TLK1: variants seen among roughly 807,000 people sequenced by gnomAD.
TLK1 encodes tousled like kinase 1, also known as serine/threonine-protein kinase tousled-like 1.
Under a neutral mutation model 105.3 loss-of-function variants are expected in TLK1, and 24 were observed. That is an observed-to-expected ratio of 0.23 (90% CI 0.17 to 0.32). The LOEUF (loss-of-function observed/expected upper bound fraction) is 0.32, where lower values mean the gene tolerates loss of function less well. Among genes scored for constraint, TLK1 ranks in the 10% least tolerant of loss-of-function variants. The probability of loss-of-function intolerance (pLI) is 1.00; values close to 1 mark genes in which losing one functional copy is unlikely to be tolerated. For synonymous variants in TLK1, 321 were observed against 310.4 expected (o/e 1.03, Z -0.36); for missense variants, 558 against 910.5 (o/e 0.61, Z 4.98).
intron 1 of TLK1, among the ~76,000 whole-genome samples, chr2:171,150,294 TA>T (rs1242325670): frequency 2.6e-5 from 4 of 151,930 alleles, no homozygotes; most frequent in Admixed American, 6.6e-5. Flanking sequence ...ATCTAGTATT[TA>T]AAAAAAAGGA....
intron 1 of TLK1, among the ~76,000 whole-genome samples, chr2:171,135,528 C>T (rs1691279671): frequency 6.6e-6 from 1 of 151,878 alleles, no homozygotes; most frequent in Non-Finnish European, 1.5e-5. Flanking sequence ...TGGCCAGGCA[C>T]GGTGGTTCAT....
intron 2 of TLK1, among the ~76,000 whole-genome samples, chr2:171,084,170 G>A (rs370356995): frequency 2.0e-5 from 3 of 152,270 alleles, no homozygotes; most frequent in East Asian, 3.9e-4. Context: ...AGAAACAGAT[G>A]TCTGATAACC....
chr2:171,074,946 G>T (rs950967196), intron 3 of TLK1, among the ~76,000 whole-genome samples: 2 of 151,916 alleles, frequency 1.3e-5, no homozygotes, highest in Non-Finnish European at 2.9e-5. Flanking sequence ...GTAACTTTCA[G>T]TGATACTTAT....
intron 11 of TLK1, among the ~76,000 whole-genome samples, chr2:171,040,581 T>G (rs1043796025): frequency 4.7e-5 from 7 of 149,186 alleles, no homozygotes; most frequent in Non-Finnish European, 7.4e-5. Context: ...TTTTTTTTTT[T>G]TTTTTTTTGA....
At chr2:171,159,703 A>G (rs1224316764) in intron 1 of TLK1, 1 of 152,238 alleles carries the variant, frequency 6.6e-6, no homozygotes, top group Non-Finnish European at 1.5e-5. Flanking sequence ...CTGTCGTTTA[A>G]ATTGCTCTAG....
At chr2:171,002,113 T>C (rs115281882) in intron 18 of TLK1, among the ~76,000 whole-genome samples, 4,909 of 151,984 alleles carry the variant, frequency 0.032, 103 homozygotes, top group Middle Eastern at 0.054. Context: ...GAACTCTTGG[T>C]TGGCGGGAGC....
chr2:171,028,393 T>C lies in TLK1; in HGVS notation c.1182A>G (p.Ala394=). The C allele has an allele frequency of 6.2e-7, 1 of 1,608,938 alleles. No homozygotes were observed. The highest frequency in any genetic ancestry group is 8.5e-7 in the Non-Finnish European group (1 of 1,176,336). The change falls in exon 12 of 21, where the codon GCA becomes GCG. Residue 394 remains alanine, a synonymous_variant. Transcript: ENST00000431350. ...RPNLPQLLTL[A]EYHEQEEIFK... is the part of the protein sequence containing the mutation. ...AAATTTCTTCCTGTTCATGATATTC[T>C]GCCAAAGTCAACCTGTCAAAAATGA...
chr2:171,028,002 A>C (rs1290632083), intron 12 of TLK1, among the ~76,000 whole-genome samples: 3 of 152,076 alleles, frequency 2.0e-5, no homozygotes, highest in Admixed American at 2.0e-4. Flanking sequence ...CACTCTACTA[A>C]AAATACAAAA....
At chr2:171,173,238 C>A (rs1692761506) in intron 1 of TLK1, among the ~76,000 whole-genome samples, 1 of 152,170 alleles carries the variant, frequency 6.6e-6, no homozygotes, top group South Asian at 2.1e-4. Context: ...AGGAAATATA[C>A]CAGTTAGAAT....
At chr2:171,218,382 G>A (rs1693752308) in intron 1 of TLK1, among the ~76,000 whole-genome samples, 1 of 152,200 alleles carries the variant, frequency 6.6e-6, no homozygotes, top group African/African-American at 2.4e-5. Flanking sequence ...GGAATAGAAT[G>A]TCGTTTAATG....
intron 10 of TLK1, 126 bp from the exon 11 acceptor site, chr2:171,046,488 C>G: frequency 9.5e-7 from 1 of 1,047,876 alleles, no homozygotes; most frequent in Non-Finnish European, 1.3e-6. Context: ...TGGTTCCACT[C>G]TTGTGAACCA....
intron 11 of TLK1, among the ~76,000 whole-genome samples, chr2:171,038,449 A>C (rs1224792668): frequency 6.6e-6 from 1 of 152,168 alleles, no homozygotes; most frequent in African/African-American, 2.4e-5. Context: ...TACATAACTA[A>C]AGCTATAATT....
intron 1 of TLK1, among the ~76,000 whole-genome samples, chr2:171,213,407 T>C (rs1490899303): frequency 2.6e-5 from 4 of 151,854 alleles, no homozygotes; most frequent in Admixed American, 2.6e-4. Flanking sequence ...TTCACAGTAT[T>C]GCCCAGGTGG....
intron 1 of TLK1, among the ~76,000 whole-genome samples, chr2:171,206,513 G>A (rs1006626773): frequency 6.6e-6 from 1 of 152,066 alleles, no homozygotes; most frequent in Admixed American, 6.6e-5. Context: ...AACCTTTAAG[G>A]GGCCTATCAC....
intron 2 of TLK1, among the ~76,000 whole-genome samples, chr2:171,113,953 C>T (rs1337351969): frequency 1.3e-5 from 2 of 152,084 alleles, no homozygotes; most frequent in Non-Finnish European, 2.9e-5. Context: ...TATTTGAGGA[C>T]TTTTATTCTT....
At chr2:170,997,981 C>A (rs564746393) in intron 18 of TLK1, among the ~76,000 whole-genome samples, 158 bp from the exon 19 acceptor site, 1 of 152,242 alleles carries the variant, frequency 6.6e-6, no homozygotes, top group African/African-American at 2.4e-5. Context: ...CATTTACATT[C>A]TTTTATCATT....
intron 1 of TLK1, among the ~76,000 whole-genome samples, chr2:171,192,693 T>TAA (rs143214516): frequency 6.6e-6 from 1 of 151,176 alleles, no homozygotes; most frequent in Non-Finnish European, 1.5e-5. Context: ...AAATAAAAAA[T>TAA]AAAAAAAATA....
chr2:171,014,459 T>G (rs776304287), intron 13 of TLK1, among the ~76,000 whole-genome samples: 1 of 152,034 alleles, frequency 6.6e-6, no homozygotes, highest in Non-Finnish European at 1.5e-5. Flanking sequence ...CTGAGCCTCT[T>G]GAGTAGCTGG....
intron 1 of TLK1, among the ~76,000 whole-genome samples, chr2:171,148,495 A>G (rs972665013): frequency 6.6e-6 from 1 of 151,958 alleles, no homozygotes; most frequent in African/African-American, 2.4e-5. Flanking sequence ...AAACAAGCTA[A>G]TATTATGGAG....
Sources: allele counts gnomAD v4.1 joint callset (sites outside exome capture counted in the v4.1 genomes callset), GRCh38; gene constraint gnomAD v4.1.1; transcripts MANE v1.5; gene names NCBI Gene and HGNC (gene_info 2026-07-23, HGNC 2026-07-21).